Variants in CHRM5 observed in about 807,000 individuals in gnomAD.
CHRM5 encodes the protein muscarinic acetylcholine receptor M5.
A neutral mutation model predicts 39.0 loss-of-function variants in CHRM5; 18 were observed. The observed-to-expected ratio is 0.46, with a 90% CI of 0.32 to 0.68. The LOEUF (loss-of-function observed/expected upper bound fraction) is 0.68, where lower values mean the gene tolerates loss of function less well. Among genes scored for constraint, CHRM5 ranks in the 30% least tolerant of loss-of-function variants. CHRM5 has a pLI of 0.04. For synonymous variants in CHRM5, 241 were observed against 246.3 expected (o/e 0.98, Z 0.20); for missense variants, 515 against 651.1 (o/e 0.79, Z 2.28).
At chr15:33,993,898 G>A (rs1896829465) in intron 1 of CHRM5, among the ~76,000 whole-genome samples, 1 of 152,084 alleles carries the variant, frequency 6.6e-6, no homozygotes, top group African/African-American at 2.4e-5. Context: ...AATTCTGTGG[G>A]CATGTTTCTT....
In CHRM5 at chr15:34,063,795, A is replaced by G; in HGVS notation, c.1078A>G (p.Asn360Asp). The G allele has an allele frequency of 6.2e-7, 1 of 1,614,230 alleles. No homozygotes were observed. The highest frequency in any genetic ancestry group is 8.5e-7 in the Non-Finnish European group (1 of 1,180,044). The change falls in exon 3 of 3, where the codon AAC (asparagine) becomes GAC (aspartate). Residue 360 changes from asparagine to aspartate, a missense_variant. By Grantham distance (23) the Asn-to-Asp change is conservative. Transcript: ENST00000383263. This position sits in a 1 kb window ranked among gnomAD's most constrained non-coding sequence, Gnocchi z 4.1. ...ETEKSDYDTP[N>D]YLLSPAAAHR... Reference sequence around the variant, plus strand: ...TGAAAAAAGTGACTATGACACCCCAAACTACCTTCTGTCTCCAGCAGCTGC... The same window carrying G: ...TGAAAAAAGTGACTATGACACCCCAGACTACCTTCTGTCTCCAGCAGCTGC...
In CHRM5 at chr15:34,064,479, A is replaced by G; in HGVS notation, c.*163A>G. On this transcript the variant is annotated 3_prime_UTR_variant, in exon 3 of 3. Transcript: ENST00000383263. ...GTTTGGTTGCCAAATGGAAGGGGCC[A>G]TAGCTGCAGCAATTGCTGACATATT... The G allele has an allele frequency of 1.3e-6, 1 of 789,872 alleles. No homozygotes were observed. Among genetic ancestry groups the G allele is most frequent in the Non-Finnish European group, 2.0e-6 (1 of 499,324 alleles). The allele number at this position is 789,872 out of a possible 1,614,324, so 48.9% of individuals were successfully genotyped here.
chr15:34,057,141 G>C (rs579073), intron 2 of CHRM5, among the ~76,000 whole-genome samples: 36 of 140,916 alleles, frequency 2.6e-4, no homozygotes, highest in African/African-American at 7.4e-4. Context: ...GGTTTTTTTT[G>C]GTTTTTTTTT....
chr15:33,974,695 G>A (rs149436933), intron 1 of CHRM5, among the ~76,000 whole-genome samples: 87 of 152,236 alleles, frequency 5.7e-4, no homozygotes, highest in Non-Finnish European at 1.0e-3. Flanking sequence ...GCTTTGGGCC[G>A]GGCACAGTGG....
Position 34,062,965 on chromosome 15 carries a change from C to G in CHRM5, c.248C>G (p.Ser83Cys). Reference protein sequence around the residue: ...ACADLIIGIFSMNLYTTYILM... With the variant: ...ACADLIIGIFCMNLYTTYILM... ...GCAGATCTCATCATTGGAATCTTCT[C>G]CATGAACCTCTACACCACCTACATC... is the stretch of plus-strand genomic sequence containing the variant. Residue 83 changes from serine to cysteine, a missense_variant, in exon 3 of 3, where the codon TCC becomes TGC. Ser to Cys is a moderately radical substitution (Grantham distance 112). Transcript: ENST00000383263. 6.2e-7 allele frequency: 1 copy of G among 1,613,946 alleles called. No individual in the cohort carries two copies. Among genetic ancestry groups the G allele is most frequent in the African/African-American group, 1.3e-5 (1 of 74,964 alleles).
At chr15:34,019,448 A>G (rs1898108529) in intron 1 of CHRM5, among the ~76,000 whole-genome samples, 1 of 152,230 alleles carries the variant, frequency 6.6e-6, no homozygotes, top group Non-Finnish European at 1.5e-5. Flanking sequence ...TAAAAAAAGC[A>G]TAAGTTTAGT....
chr15:34,003,085 T>C, intron 1 of CHRM5: 1 of 1,614,054 alleles, frequency 6.2e-7, no homozygotes, highest in Non-Finnish European at 8.5e-7. Flanking sequence ...CTCTCCACTT[T>C]CATTATTGAC....
intron 2 of CHRM5, among the ~76,000 whole-genome samples, chr15:34,062,148 A>G (rs1488842835): frequency 6.6e-6 from 1 of 152,248 alleles, no homozygotes; most frequent in African/African-American, 2.4e-5. Context: ...GCACTCAGCC[A>G]TAGGTAACAA....
At chr15:34,038,196 T>C (rs1180131268) in intron 1 of CHRM5, among the ~76,000 whole-genome samples, 2 of 152,330 alleles carry the variant, frequency 1.3e-5, no homozygotes, top group African/African-American at 4.8e-5. Flanking sequence ...AAAAGAGAAC[T>C]ACGCTATTAC....
At chr15:34,049,474 T>C (rs527660730) in intron 2 of CHRM5, among the ~76,000 whole-genome samples, 1 of 152,206 alleles carries the variant, frequency 6.6e-6, no homozygotes, top group South Asian at 2.1e-4. Flanking sequence ...AGACTATTTT[T>C]CTGAAATAAG....
intron 1 of CHRM5, among the ~76,000 whole-genome samples, chr15:33,978,051 G>C (rs576813238): frequency 2.0e-5 from 3 of 151,920 alleles, no homozygotes; most frequent in Non-Finnish European, 2.9e-5. Context: ...GAGGAAGCGA[G>C]AGAGGTAGGG....
intron 1 of CHRM5, chr15:34,038,754 C>T: frequency 8.6e-7 from 1 of 1,158,572 alleles, no homozygotes; most frequent in Non-Finnish European, 1.1e-6. Flanking sequence ...CACGCGGTCC[C>T]AGCCCCACCA....
At chr15:34,029,447 G>A (rs572868156) in intron 1 of CHRM5, among the ~76,000 whole-genome samples, 7 of 149,368 alleles carry the variant, frequency 4.7e-5, no homozygotes, top group African/African-American at 1.0e-4. Context: ...TTGGTAAGCC[G>A]AGGCAGGGGG....
chr15:34,048,803 C>T (rs1396858726), intron 2 of CHRM5, among the ~76,000 whole-genome samples: 1 of 152,022 alleles, frequency 6.6e-6, no homozygotes, highest in African/African-American at 2.4e-5. Context: ...AGCAACAGGT[C>T]AGTATCCTCC....
chr15:34,064,156 G>A lies in CHRM5; in HGVS notation c.1439G>A (p.Gly480Asp), dbSNP rs764442245. The A allele has an allele frequency of 1.2e-6, 2 of 1,614,156 alleles. No individual in the cohort carries two copies. The highest frequency in any genetic ancestry group is 8.5e-7 in the Non-Finnish European group (1 of 1,180,032). ...KCVPVTLWHL[G>D]YWLCYVNSTV... ...GTCCCAGTCACCCTGTGGCACTTGG[G>A]CTATTGGTTGTGCTATGTCAATAGC... Residue 480 changes from glycine (G) to aspartate (D), a missense_variant, in exon 3 of 3, where the codon GGC (glycine) becomes GAC (aspartate). Physicochemically the swap from Gly to Asp is moderately conservative, Grantham distance 94 (BLOSUM62 -1). Coordinates refer to ENST00000383263, the MANE Select transcript of CHRM5 (RefSeq NM_012125.4).
Position 33,968,695 on chromosome 15 carries a change from T to C in CHRM5, c.-863T>C, listed in dbSNP as rs1168241869. 2.0e-5 allele frequency: 3 copies of C among 152,032 alleles called. No homozygotes were observed. The highest frequency in any genetic ancestry group is 2.9e-5 in the Non-Finnish European group (2 of 67,972). 9.4% of individuals were successfully genotyped at this position (152,032 alleles called of 1,614,324 possible). A position where few individuals can be genotyped will look rare whatever the true frequency, so the allele number is the denominator to read the frequency against. On this transcript the variant is annotated 5_prime_UTR_variant, in exon 1 of 3. Transcript: ENST00000383263. ...TCGTATGGAGAAAGGAAAGCAAGAGTGCAAGAACATCCATGCTTCTAGTCC... is the reference window on the plus strand; with the variant it reads ...TCGTATGGAGAAAGGAAAGCAAGAGCGCAAGAACATCCATGCTTCTAGTCC...
chr15:34,062,271 A>T (rs2140845544), intron 2 of CHRM5, among the ~76,000 whole-genome samples: 1 of 152,296 alleles, frequency 6.6e-6, no homozygotes, highest in Admixed American at 6.5e-5. Flanking sequence ...ACTATAAACA[A>T]TGGGCCGGGC....
At chr15:34,036,283 C>T (rs2632089) in intron 1 of CHRM5, among the ~76,000 whole-genome samples, 151,106 of 152,288 alleles carry the variant, frequency 0.99, 74,979 homozygotes, top group Middle Eastern at 1. Context: ...CTAAGTTACC[C>T]TGGAGTATTA....
chr15:34,004,076 G>C, intron 1 of CHRM5, among the ~76,000 whole-genome samples: 1 of 152,000 alleles, frequency 6.6e-6, no homozygotes, highest in East Asian at 1.9e-4. Context: ...TGATTGTTCA[G>C]GTAGCGTCTG....
Sources: allele counts gnomAD v4.1 joint callset (sites outside exome capture counted in the v4.1 genomes callset), GRCh38; gene constraint gnomAD v4.1.1; non-coding constraint Gnocchi (gnomAD v3.1); transcripts MANE v1.5; gene names NCBI Gene and HGNC (gene_info 2026-07-23, HGNC 2026-07-21).